The following ARK2N variants were observed in gnomAD, a reference collection of about 807,000 sequenced individuals.
The protein encoded by ARK2N is arkadia (RNF111) N-terminal like PKA signaling regulator 2N, also known as protein ARK2N.
At chr18:46,241,846 C>T in the ARK2N span, among the ~76,000 whole-genome samples, 102 of 152,182 alleles carry the variant, frequency 6.7e-4, no homozygotes, top group African/African-American at 2.2e-3. Context: ...GATGGAGTTT[C>T]GCTCTTGTTG....
chr18:46,179,127 A>G, the ARK2N span, among the ~76,000 whole-genome samples: 1 of 151,932 alleles, frequency 6.6e-6, no homozygotes, highest in South Asian at 2.1e-4. Context: ...TATTTTTGGT[A>G]GAGACGAAGT....
At chr18:46,266,171 C>T in the ARK2N span, 3 of 152,336 alleles carry the variant, frequency 2.0e-5, no homozygotes, top group East Asian at 5.8e-4. Flanking sequence ...GTCTGGTTTA[C>T]TAATGTAGTC....
At chr18:46,187,335 A>C in the ARK2N span, among the ~76,000 whole-genome samples, 1 of 132,196 alleles carries the variant, frequency 7.6e-6, no homozygotes, top group Non-Finnish European at 1.7e-5. Flanking sequence ...ATAATGTTTT[A>C]TATGATAACT....
At chr18:46,231,336 A>G in the ARK2N span, among the ~76,000 whole-genome samples, 1 of 152,152 alleles carries the variant, frequency 6.6e-6, no homozygotes, top group Non-Finnish European at 1.5e-5. Flanking sequence ...ACCCATCTTC[A>G]GAATTCTGAA....
At chr18:46,193,892 C>T in the ARK2N span, among the ~76,000 whole-genome samples, 34 of 152,064 alleles carry the variant, frequency 2.2e-4, no homozygotes, top group Non-Finnish European at 3.2e-4. Flanking sequence ...AGCCACGGTG[C>T]GGGTCCCCTA....
At chr18:46,244,458 G>A in the ARK2N span, among the ~76,000 whole-genome samples, 1 of 152,068 alleles carries the variant, frequency 6.6e-6, no homozygotes, top group African/African-American at 2.4e-5. Context: ...ACAGAGAAAT[G>A]AATCCTGGGT....
At chr18:46,228,627 C>G in the ARK2N span, 1 of 393,296 alleles carries the variant, frequency 2.5e-6, no homozygotes, top group East Asian at 3.6e-5. Flanking sequence ...ACTCTGTCAT[C>G]TACACTGGAG....
the ARK2N span, among the ~76,000 whole-genome samples, chr18:46,260,075 G>C: frequency 6.6e-6 from 1 of 152,084 alleles, no homozygotes; most frequent in African/African-American, 2.4e-5. Flanking sequence ...TAAAGTCACT[G>C]TTGAGCTTGG....
the ARK2N span, among the ~76,000 whole-genome samples, chr18:46,200,096 G>A: frequency 1.1e-4 from 17 of 150,582 alleles, no homozygotes; most frequent in South Asian, 4.2e-4. Flanking sequence ...GTGTGTGCGC[G>A]CGCGTGCTGG....
At chr18:46,226,167 T>G in the ARK2N span, among the ~76,000 whole-genome samples, 1 of 152,256 alleles carries the variant, frequency 6.6e-6, no homozygotes, top group Non-Finnish European at 1.5e-5. Flanking sequence ...ATGAATTATA[T>G]TCCGTATTAC....
chr18:46,204,933 TTTTTTTTATTTTTTTTA>T, the ARK2N span, among the ~76,000 whole-genome samples: 1 of 151,568 alleles, frequency 6.6e-6, no homozygotes, highest in African/African-American at 2.4e-5. Context: ...TTTTTTCTTT[TTTTTTTTATTTTTTTTA>T]TTTTTTATTT....
chr18:46,205,573 T>G, the ARK2N span, among the ~76,000 whole-genome samples: 1 of 152,366 alleles, frequency 6.6e-6, no homozygotes, highest in South Asian at 2.1e-4. Flanking sequence ...GTTCACATCT[T>G]TTGAACTTTA....
the ARK2N span, chr18:46,216,810 G>T: frequency 2.0e-6 from 1 of 506,216 alleles, no homozygotes; most frequent in Non-Finnish European, 3.5e-6. This position sits in a 1 kb window ranked among gnomAD's most constrained non-coding sequence, Gnocchi z 4.3. Context: ...AAAATTAAAG[G>T]GTTAATGATA....
the ARK2N span, among the ~76,000 whole-genome samples, chr18:46,179,671 G>C: frequency 3.5e-4 from 53 of 151,238 alleles, no homozygotes; most frequent in African/African-American, 1.2e-3. Context: ...TGTTGCCCAG[G>C]CTGGAGTGCA....
the ARK2N span, among the ~76,000 whole-genome samples, chr18:46,255,209 A>AT: frequency 0.021 from 3,156 of 152,224 alleles, 43 homozygotes; most frequent in Non-Finnish European, 0.032. Context: ...CTTTGAGAGC[A>AT]TTTTTCAGTC....
At chr18:46,226,902 G>A in the ARK2N span, among the ~76,000 whole-genome samples, 1 of 151,696 alleles carries the variant, frequency 6.6e-6, no homozygotes, top group Admixed American at 6.6e-5. Flanking sequence ...CTGCCTCCGG[G>A]GTTCAAGTAG....
the ARK2N span, among the ~76,000 whole-genome samples, chr18:46,199,348 G>C: frequency 6.6e-6 from 1 of 151,004 alleles, no homozygotes; most frequent in African/African-American, 2.4e-5. Context: ...GGAATCTCTC[G>C]CTGTTGCCCA....
the ARK2N span, among the ~76,000 whole-genome samples, chr18:46,250,668 T>A: frequency 1.3e-5 from 2 of 152,074 alleles, no homozygotes; most frequent in Non-Finnish European, 2.9e-5. Flanking sequence ...TTCTTTAAAA[T>A]GCAAAACCAG....
At chr18:46,263,170 C>G in the ARK2N span, 1 of 1,481,800 alleles carries the variant, frequency 6.7e-7, no homozygotes, top group Admixed American at 2.0e-5. Context: ...TCCTCATCCT[C>G]TTTGTGACAT....
Sources: gnomAD v4.1 joint callset for allele counts (sites outside exome capture counted in the v4.1 genomes callset) on GRCh38, gnomAD v4.1.1 for gene constraint, Gnocchi (gnomAD v3.1) non-coding constraint, MANE v1.5 for transcripts, NCBI Gene and HGNC (gene_info 2026-07-23, HGNC 2026-07-21) for gene names.